ISM1: variants seen among roughly 807,000 people sequenced by gnomAD.
ISM1 encodes isthmin 1.
A neutral mutation model predicts 46.3 loss-of-function variants in ISM1; 25 were observed. That is an observed-to-expected ratio of 0.54 (90% CI 0.39 to 0.75). The LOEUF is 0.75. Among genes scored for constraint, ISM1 ranks in the 30% least tolerant of loss-of-function variants. ISM1 has a pLI of 0.00. For missense variants in ISM1, 536 were observed against 625.4 expected (o/e 0.86, Z 1.52); for synonymous variants, 255 against 256.7 (o/e 0.99, Z 0.06).
At chr20:13,292,290 G>A in intron 4 of ISM1, 84 bp from the exon 5 acceptor site, 5 of 816,210 alleles carry the variant, frequency 6.1e-6, no homozygotes, top group Non-Finnish European at 1.0e-5. Flanking sequence ...CTTTGTTCAG[G>A]TGTATTTATT....
At chr20:13,282,907 A>G (rs2040253279) in intron 3 of ISM1, among the ~76,000 whole-genome samples, 1 of 152,232 alleles carries the variant, frequency 6.6e-6, no homozygotes, top group African/African-American at 2.4e-5. Context: ...GTAGGTGCTC[A>G]GTAGCATTTG....
the ISM1 span, among the ~76,000 whole-genome samples, chr20:13,315,440 C>T: frequency 3.9e-5 from 6 of 152,076 alleles, no homozygotes; most frequent in East Asian, 3.9e-4. Context: ...AGGGATAAAA[C>T]GAGTTGTTAC....
chr20:13,237,260 A>G (rs2039662267), intron 1 of ISM1, among the ~76,000 whole-genome samples: 1 of 152,360 alleles, frequency 6.6e-6, no homozygotes, highest in Middle Eastern at 3.4e-3. Context: ...ACAGAAATCT[A>G]TTCACTAATG....
chr20:13,319,882 C>G, the ISM1 span, among the ~76,000 whole-genome samples: 1 of 152,194 alleles, frequency 6.6e-6, no homozygotes, highest in Admixed American at 6.5e-5. Flanking sequence ...CTCTAACCAG[C>G]TCAGGTCCTG....
chr20:13,286,499 G>A (rs2123301515), intron 3 of ISM1, among the ~76,000 whole-genome samples: 1 of 152,352 alleles, frequency 6.6e-6, no homozygotes, highest in East Asian at 1.9e-4. Flanking sequence ...GCTTAGCTGA[G>A]TGGTTGGAAA....
At chr20:13,263,625 C>G (rs375294322) in intron 1 of ISM1, among the ~76,000 whole-genome samples, 19 of 152,270 alleles carry the variant, frequency 1.2e-4, no homozygotes, top group African/African-American at 4.6e-4. Flanking sequence ...CTGTTCCAGA[C>G]AAAATCGATG....
At chr20:13,231,615 A>G (rs1020205819) in intron 1 of ISM1, among the ~76,000 whole-genome samples, 1 of 152,230 alleles carries the variant, frequency 6.6e-6, no homozygotes, top group Admixed American at 6.5e-5. Flanking sequence ...AAGTAAAAAC[A>G]GTAGGTTAAC....
chr20:13,235,235 A>T lies in ISM1; in HGVS notation c.138+13321A>T, dbSNP rs184666430. Among the ~76,000 whole-genome samples, 270 of 152,366 alleles carry T rather than the reference A, an allele frequency of 1.8e-3. 1 individual carries two copies. Among genetic ancestry groups the T allele is most frequent in the African/African-American group, 6.1e-3 (254 of 41,582 alleles). ...ATGGGTCTCCCATTCTTTTGTGACC[A>T]GCAGGTTACCTGCCACACATTTCTC... is the stretch of plus-strand genomic sequence containing the variant. On this transcript the variant is annotated intron_variant, in intron 1 of 5. Coordinates refer to ENST00000262487, the MANE Select transcript of ISM1 (RefSeq NM_080826.2).
In ISM1 at chr20:13,299,617, C is replaced by T. The variant is rs2040441070; in HGVS notation, c.*158C>T. ...CATACATTACGCTAGGGGCGTGTGCCACGCCCAGGGGACTGCCTTGTGAAG... is the reference window on the plus strand; with the variant it reads ...CATACATTACGCTAGGGGCGTGTGCTACGCCCAGGGGACTGCCTTGTGAAG... On this transcript the variant is annotated 3_prime_UTR_variant, in exon 6 of 6. Coordinates refer to ENST00000262487, the MANE Select transcript of ISM1 (RefSeq NM_080826.2). The surrounding 1 kb of genome is among the most constrained non-coding windows in gnomAD (Gnocchi z 5.8). 1 of 739,922 alleles carries T rather than the reference C, an allele frequency of 1.4e-6. No individual in the cohort carries two copies. Among genetic ancestry groups the T allele is most frequent in the Admixed American group, 2.9e-5 (1 of 34,666 alleles). 45.8% of individuals were successfully genotyped at this position (739,922 alleles called of 1,614,324 possible). A position where few individuals can be genotyped will look rare whatever the true frequency, so the allele number is the denominator to read the frequency against.
chr20:13,258,130 T>C (rs2039948177), intron 1 of ISM1, among the ~76,000 whole-genome samples: 1 of 152,160 alleles, frequency 6.6e-6, no homozygotes, highest in Non-Finnish European at 1.5e-5. Context: ...CCCCCAAACA[T>C]TCCGTTTACC....
chr20:13,234,163 A>G (rs987314412), intron 1 of ISM1, among the ~76,000 whole-genome samples: 2 of 152,080 alleles, frequency 1.3e-5, no homozygotes, highest in African/African-American at 2.4e-5. Flanking sequence ...TACTCTTTGT[A>G]TGTCCGTGTA....
the ISM1 span, among the ~76,000 whole-genome samples, chr20:13,307,017 G>A: frequency 6.6e-6 from 1 of 152,176 alleles, no homozygotes; most frequent in Non-Finnish European, 1.5e-5. Flanking sequence ...GCTATTACAG[G>A]ATATTGGAGG....
downstream of ISM1, among the ~76,000 whole-genome samples, chr20:13,302,669 T>C (rs942006456): frequency 4.6e-5 from 7 of 152,210 alleles, no homozygotes; most frequent in East Asian, 1.3e-3. Flanking sequence ...TTGCAGTCCT[T>C]GTAAATATGA....
At chr20:13,304,444 G>A (rs2040484131), downstream of ISM1, among the ~76,000 whole-genome samples, 2 of 152,118 alleles carry the variant, frequency 1.3e-5, no homozygotes, top group Admixed American at 6.5e-5. Context: ...TCTATAAATT[G>A]GGGTAAGTCC....
Position 13,299,623 on chromosome 20 carries a change from C to CCT in ISM1, c.*164_*165insCT. The CCT allele has an allele frequency of 7.1e-6, 5 of 704,552 alleles. No homozygotes were observed. Among genetic ancestry groups the CCT allele is most frequent in the Non-Finnish European group, 1.1e-5 (5 of 442,266 alleles). 43.6% of individuals were successfully genotyped at this position (704,552 alleles called of 1,614,324 possible). A position where few individuals can be genotyped will look rare whatever the true frequency, so the allele number is the denominator to read the frequency against. On this transcript the variant is annotated 3_prime_UTR_variant, in exon 6 of 6. Transcript: ENST00000262487. This position sits in a 1 kb window ranked among gnomAD's most constrained non-coding sequence, Gnocchi z 5.8. Reference sequence around the variant, plus strand: ...TTACGCTAGGGGCGTGTGCCACGCCCAGGGGACTGCCTTGTGAAGCCGCCC... The same window carrying CCT: ...TTACGCTAGGGGCGTGTGCCACGCCCCTAGGGGACTGCCTTGTGAAGCCGCCC...
At chr20:13,290,653 G>A (rs1229048420) in intron 4 of ISM1, among the ~76,000 whole-genome samples, 4 of 151,848 alleles carry the variant, frequency 2.6e-5, no homozygotes, top group South Asian at 2.1e-4. Flanking sequence ...GCAAGACTCC[G>A]TCTCAAAACA....
chr20:13,280,545 C>G (rs958947068), intron 3 of ISM1, among the ~76,000 whole-genome samples: 4 of 152,168 alleles, frequency 2.6e-5, no homozygotes, highest in African/African-American at 9.7e-5. Context: ...GAACTCAGCT[C>G]CACTCAGTCA....
rs35520629 is a variant in ISM1 at position 13,233,024 on chromosome 20, CA to C, written c.138+11122del. ...GTGAAAAGAAAATTCGATGCTGGAC[CA>C]AAAAAAAAAAAGAAAACAGGCCGGA... is the stretch of plus-strand genomic sequence containing the variant. On this transcript the variant is annotated intron_variant, in intron 1 of 5. Coordinates refer to ENST00000262487, the MANE Select transcript of ISM1 (RefSeq NM_080826.2). 5.6e-3 allele frequency among the ~76,000 whole-genome samples: 799 copies of C among 141,906 alleles called. 6 individuals are homozygous for C. The highest frequency in any genetic ancestry group is 0.014 in the Middle Eastern group (4 of 280). The allele number at this position is 141,906 out of a possible 152,430, so 93.1% of individuals were successfully genotyped here. A position where few individuals can be genotyped will look rare whatever the true frequency, so the allele number is the denominator to read the frequency against.
the ISM1 span, among the ~76,000 whole-genome samples, chr20:13,308,706 T>C: frequency 4.2e-4 from 64 of 152,214 alleles, no homozygotes; most frequent in Non-Finnish European, 8.1e-4. Flanking sequence ...AAATTACAGA[T>C]GGATGCATGT....
Sources: allele counts gnomAD v4.1 joint callset (sites outside exome capture counted in the v4.1 genomes callset), GRCh38; gene constraint gnomAD v4.1.1; non-coding constraint Gnocchi (gnomAD v3.1); transcripts MANE v1.5; gene names NCBI Gene and HGNC (gene_info 2026-07-23, HGNC 2026-07-21).